Variants in TAF3 observed in about 807,000 individuals in gnomAD.
TAF3 encodes TATA-box binding protein associated factor 3.
TAF3 carries 7 observed loss-of-function variants against 80.6 expected under a neutral mutation model. The ratio of observed to expected loss-of-function variants is 0.09; its 90% CI spans 0.05 to 0.16. The LOEUF (loss-of-function observed/expected upper bound fraction) is 0.16, where lower values mean the gene tolerates loss of function less well. Among genes scored for constraint, TAF3 ranks in the 10% least tolerant of loss-of-function variants. The pLI is 1.00. For missense variants in TAF3, 921 were observed against 1,140.2 expected (o/e 0.81, Z 2.77); for synonymous variants, 444 against 446.1 (o/e 1.00, Z 0.06).
intron 2 of TAF3, among the ~76,000 whole-genome samples, chr10:7,951,243 A>C (rs1042296610): frequency 2.0e-5 from 3 of 152,160 alleles, no homozygotes; most frequent in Non-Finnish European, 2.9e-5. Flanking sequence ...GTAACAAGCC[A>C]CCCCCAAACT....
At chr10:7,916,796 A>T (rs1837715469) in intron 2 of TAF3, among the ~76,000 whole-genome samples, 1 of 152,232 alleles carries the variant, frequency 6.6e-6, no homozygotes, top group Non-Finnish European at 1.5e-5. Context: ...GAGTGTAAGT[A>T]GGTTTCTTCT....
intron 2 of TAF3, among the ~76,000 whole-genome samples, chr10:7,908,230 A>T (rs1040398197): frequency 3.9e-5 from 6 of 152,170 alleles, no homozygotes; most frequent in African/African-American, 1.4e-4. Flanking sequence ...GCATTGATTC[A>T]GAGGGCCTAG....
chr10:7,989,101 C>G (rs1216024456), intron 4 of TAF3, among the ~76,000 whole-genome samples: 2 of 152,080 alleles, frequency 1.3e-5, no homozygotes, highest in African/African-American at 4.8e-5. Context: ...TGTGATCTAC[C>G]AAGATTTCAA....
chr10:8,007,416 A>G (rs968806220), intron 4 of TAF3, among the ~76,000 whole-genome samples: 1 of 151,756 alleles, frequency 6.6e-6, no homozygotes, highest in African/African-American at 2.4e-5. Flanking sequence ...ACCAAGAACA[A>G]TAAACAAAAA....
chr10:7,952,323 G>A (rs1405124195), intron 2 of TAF3, among the ~76,000 whole-genome samples: 1 of 152,110 alleles, frequency 6.6e-6, no homozygotes, highest in African/African-American at 2.4e-5. Context: ...TGTAATCATA[G>A]TTGAACCAAG....
intron 2 of TAF3, among the ~76,000 whole-genome samples, chr10:7,916,312 CT>C (rs1161153744): frequency 6.6e-5 from 10 of 152,222 alleles, no homozygotes; most frequent in Middle Eastern, 3.2e-3. Flanking sequence ...ATAAAGCTGT[CT>C]TATACAAAAG....
intron 2 of TAF3, among the ~76,000 whole-genome samples, chr10:7,841,274 C>A (rs1035459725): frequency 6.6e-6 from 1 of 152,184 alleles, no homozygotes; most frequent in Non-Finnish European, 1.5e-5. Flanking sequence ...TTCCTTCATT[C>A]GTCAAGGAGC....
At chr10:7,951,372 G>C (rs1029435356) in intron 2 of TAF3, among the ~76,000 whole-genome samples, 1 of 152,192 alleles carries the variant, frequency 6.6e-6, no homozygotes, top group Non-Finnish European at 1.5e-5. Flanking sequence ...TACATTTACT[G>C]TTGGCTGGTG....
rs186204013 is a variant in TAF3 at position 7,937,980 on chromosome 10, G to T, written c.410-25940G>T. 1.4e-4 allele frequency among the ~76,000 whole-genome samples: 21 copies of T among 152,316 alleles called. No homozygotes were observed. In the East Asian group the frequency reaches 2.7e-3, roughly 20 times the overall value. On this transcript the variant is annotated intron_variant, in intron 2 of 6. Coordinates refer to ENST00000344293, the MANE Select transcript of TAF3 (RefSeq NM_031923.4). ...GGAAATGGGGTTTATATTGAGGGCC[G>T]CTTAGAGGGGATTTTGCAATAGATG...
At chr10:7,834,296 T>C (rs1836829695) in intron 2 of TAF3, among the ~76,000 whole-genome samples, 1 of 152,252 alleles carries the variant, frequency 6.6e-6, no homozygotes, top group African/African-American at 2.4e-5. Context: ...CTTACAGTTT[T>C]TCCCCTATGT....
chr10:7,977,604 T>G (rs1831686691), intron 4 of TAF3, among the ~76,000 whole-genome samples: 1 of 152,210 alleles, frequency 6.6e-6, no homozygotes, highest in African/African-American at 2.4e-5. Flanking sequence ...AGGTCCCACT[T>G]ATCTGAAAAA....
chr10:7,965,063 C>T lies in TAF3; in HGVS notation c.1553C>T (p.Ser518Phe). Reference protein sequence around the residue: ...VYEEKTKLPSSVEVKKKLKKE... With the variant: ...VYEEKTKLPSFVEVKKKLKKE... ...GAGGAGAAAACCAAGCTGCCTTCCT[C>T]CGTGGAGGTAAAGAAGAAGTTGAAA... Residue 518 changes from serine to phenylalanine, a missense_variant, in exon 3 of 7, where the codon TCC becomes TTC. By Grantham distance (155) the Ser-to-Phe change is radical. This residue lies in a region of TAF3 where 743 missense variants were observed against 821.0 expected (regional missense o/e 0.90). Transcript: ENST00000344293. 6.2e-7 allele frequency: 1 copy of T among 1,613,830 alleles called. No individual in the cohort carries two copies.
At chr10:7,951,833 G>A (rs1838085865) in intron 2 of TAF3, among the ~76,000 whole-genome samples, 1 of 152,186 alleles carries the variant, frequency 6.6e-6, no homozygotes, top group Non-Finnish European at 1.5e-5. Flanking sequence ...TCAGAAGGAT[G>A]AAGGAACCAC....
At chr10:7,985,322 C>A (rs1831766118) in intron 4 of TAF3, among the ~76,000 whole-genome samples, 1 of 152,196 alleles carries the variant, frequency 6.6e-6, no homozygotes, top group African/African-American at 2.4e-5. Context: ...AGCTGCTGGC[C>A]TCCATTCCTA....
rs555228641 is a variant in TAF3, at chr10:7,964,189, A to G, written c.679A>G (p.Met227Val). Residue 227 changes from methionine to valine, a missense_variant, in exon 3 of 7, where the codon ATG becomes GTG. Met to Val is a conservative substitution (Grantham distance 21, BLOSUM62 1). Transcript: ENST00000344293. The surrounding 1 kb of genome is among the most constrained non-coding windows in gnomAD (Gnocchi z 4.1). ...AATAAATACTCAAAAGATCCCACCA[A>G]TGCTTTCTCCAGTCCATGTACAGGA... ...SSINTQKIPPMLSPVHVQDST... is the reference protein window; with the variant it reads ...SSINTQKIPPVLSPVHVQDST... 9.9e-6 allele frequency: 16 copies of G among 1,614,102 alleles called. No homozygotes were observed. Among genetic ancestry groups the G allele is most frequent in the South Asian group, 4.4e-5 (4 of 91,070 alleles).
intron 2 of TAF3, among the ~76,000 whole-genome samples, chr10:7,960,087 C>G (rs1838174862): frequency 6.6e-6 from 1 of 152,204 alleles, no homozygotes; most frequent in Non-Finnish European, 1.5e-5. Flanking sequence ...CGTTATCCTG[C>G]CTAAGCCAAA....
At chr10:7,847,403 C>G (rs1318701056) in intron 2 of TAF3, among the ~76,000 whole-genome samples, 1 of 152,168 alleles carries the variant, frequency 6.6e-6, no homozygotes, top group Non-Finnish European at 1.5e-5. Context: ...ATATTTTATG[C>G]TGTTAAGCAC....
chr10:7,969,131 G>A (rs1457109208), intron 3 of TAF3, among the ~76,000 whole-genome samples: 2 of 140,690 alleles, frequency 1.4e-5, no homozygotes, highest in African/African-American at 5.1e-5. Flanking sequence ...TAGTGAGACT[G>A]TCTCTCCAAA....
rs543808175 is a variant in TAF3 at position 7,826,693 on chromosome 10, T to C, written c.409+2133T>C. Among the ~76,000 whole-genome samples the C allele has an allele frequency of 7.3e-3, 1,110 of 152,294 alleles. 10 individuals carry two copies. Among genetic ancestry groups the C allele is most frequent in the African/African-American group, 0.026 (1,065 of 41,548 alleles). On this transcript the variant is annotated intron_variant, in intron 2 of 6. Coordinates refer to ENST00000344293, the MANE Select transcript of TAF3 (RefSeq NM_031923.4). Reference sequence around the variant, plus strand: ...ATTGCTGATTTGTAATATATGCATATGGTTTATAAGGATGCAGTAAGTGGT... The same window carrying C: ...ATTGCTGATTTGTAATATATGCATACGGTTTATAAGGATGCAGTAAGTGGT...
Sources: allele counts gnomAD v4.1 joint callset (sites outside exome capture counted in the v4.1 genomes callset), GRCh38; gene constraint gnomAD v4.1.1; regional missense constraint gnomAD v4.1.1; non-coding constraint Gnocchi (gnomAD v3.1); transcripts MANE v1.5; gene names NCBI Gene and HGNC (gene_info 2026-07-23, HGNC 2026-07-21).